Variants in SHISA3 observed in about 807,000 individuals in gnomAD.
SHISA3 encodes the protein protein shisa-3 homolog.
In SHISA3, 15 loss-of-function variants were observed where a neutral mutation model predicts 19.2. That is an observed-to-expected ratio of 0.78 (90% CI 0.52 to 1.20). The LOEUF (loss-of-function observed/expected upper bound fraction) is 1.20, where lower values mean the gene tolerates loss of function less well. SHISA3 is among the 50% of genes most tolerant of loss of function. The pLI, the probability that SHISA3 is intolerant of heterozygous loss-of-function variation, is 0.00. For synonymous variants in SHISA3, 145 were observed against 135.2 expected, an observed-to-expected ratio of 1.07 and a Z score of -0.50; for missense variants, 327 against 315.7, an observed-to-expected ratio of 1.04 and a Z score of -0.27.
At chr4:42,400,543 T>C (rs1463566701) in intron 1 of SHISA3, among the ~76,000 whole-genome samples, 1 of 152,158 alleles carries the variant, frequency 6.6e-6, no homozygotes, top group Non-Finnish European at 1.5e-5. Flanking sequence ...TCTCATTTAA[T>C]AGGCCTGGCT....
At position 42,397,679 on chromosome 4, in the gene SHISA3, C is replaced by A. The variant is rs1003237587; in HGVS notation, c.-378C>A. ...CTCTGTGCGGCGCTGGAGTTGGCAG[C>A]CCCGGGCGCTATGGCTCCCTTGAGG... On this transcript the variant is annotated 5_prime_UTR_variant, in exon 1 of 2. Coordinates refer to ENST00000319234, the MANE Select transcript of SHISA3 (RefSeq NM_001080505.3). Among the ~76,000 whole-genome samples, 1 of 151,942 alleles carries A rather than the reference C, an allele frequency of 6.6e-6. No homozygotes were observed. Among genetic ancestry groups the A allele is most frequent in the Admixed American group, 6.5e-5 (1 of 15,272 alleles).
intron 1 of SHISA3, 61 bp downstream of exon 1, chr4:42,398,394 G>A: frequency 5.4e-6 from 8 of 1,468,282 alleles, no homozygotes; most frequent in Non-Finnish European, 4.5e-6. Flanking sequence ...CTGCATGTGT[G>A]CGCGGGAGGA....
In SHISA3 at chr4:42,398,107, C is replaced by A; in HGVS notation, c.51C>A (p.Gly17=). ...LCLLLGWLRW[G]PAGAQQSGEY... ...TTCTCCTTGGCTGGCTGCGCTGGGG[C>A]CCGGCGGGCGCCCAGCAGTCCGGAG... Residue 17 remains glycine (G), a synonymous_variant, in exon 1 of 2, where the codon GGC becomes GGA. Coordinates refer to ENST00000319234, the MANE Select transcript of SHISA3 (RefSeq NM_001080505.3). 4 of 1,602,488 alleles carry A rather than the reference C, an allele frequency of 2.5e-6. No individual in the cohort carries two copies. Among genetic ancestry groups the A allele is most frequent in the Admixed American group, 1.7e-5 (1 of 58,726 alleles).
In SHISA3 at chr4:42,398,207, C is replaced by T; in HGVS notation, c.151C>T (p.Leu51=). Residue 51 remains leucine (L), a synonymous_variant, in exon 1 of 2, where the codon CTG becomes TTG. Transcript: ENST00000319234. ...CCAGTGCCCAGAGGACTTCGACACG[C>T]TGGACGCTACCATCTGCTGCGGCTC... ...GFQCPEDFDT[L]DATICCGSCA... 2 of 1,601,522 alleles carry T rather than the reference C, an allele frequency of 1.2e-6. No homozygotes were observed. Among genetic ancestry groups the T allele is most frequent in the Non-Finnish European group, 1.7e-6 (2 of 1,174,248 alleles).
At position 42,398,342 on chromosome 4, in the gene SHISA3, G is replaced by C. The variant is rs1265821864; in HGVS notation, c.277+9G>C. On this transcript the variant is annotated intron_variant, in intron 1 of 1. Coordinates refer to ENST00000319234, the MANE Select transcript of SHISA3 (RefSeq NM_001080505.3). ...CCCAGGCATCACTGCGCGTAAGTGC[G>C]GGGCCCTCGGGGACATATCCCCGCC... The C allele has an allele frequency of 5.2e-6, 8 of 1,531,592 alleles. No individual in the cohort carries two copies. The East Asian group carries it at 7.3e-5, about 14-fold the overall frequency. 94.9% of individuals were successfully genotyped at this position (1,531,592 alleles called of 1,614,324 possible).
chr4:42,398,485 G>A lies in SHISA3; in HGVS notation c.277+152G>A. 3 of 803,792 alleles carry A rather than the reference G, an allele frequency of 3.7e-6. No individual in the cohort carries two copies. In the South Asian group the frequency reaches 5.6e-5, roughly 15 times the overall value. 49.8% of individuals were successfully genotyped at this position (803,792 alleles called of 1,614,324 possible). ...CGGCCGGGTGGGGGAATCAAGGGAT[G>A]AGTGGGTGGTCGCGTTTCAGATCAT... On this transcript the variant is annotated intron_variant, in intron 1 of 1. Coordinates refer to ENST00000319234, the MANE Select transcript of SHISA3 (RefSeq NM_001080505.3).
In SHISA3 at chr4:42,401,499, G is replaced by C; in HGVS notation, c.*48G>C. On this transcript the variant is annotated 3_prime_UTR_variant, in exon 2 of 2. Transcript: ENST00000319234. Reference sequence around the variant, plus strand: ...AACTCAGTCAGATGGCAGACAGGTGGAGCCCTGCTCCCATTGCCACATGCA... The same window carrying C: ...AACTCAGTCAGATGGCAGACAGGTGCAGCCCTGCTCCCATTGCCACATGCA... 1 of 1,524,492 alleles carries C rather than the reference G, an allele frequency of 6.6e-7. No homozygotes were observed. Among genetic ancestry groups the C allele is most frequent in the Non-Finnish European group, 8.8e-7 (1 of 1,135,834 alleles). 94.4% of individuals were successfully genotyped at this position (1,524,492 alleles called of 1,614,324 possible).
intron 1 of SHISA3, among the ~76,000 whole-genome samples, chr4:42,399,120 A>G (rs1237880030): frequency 6.6e-6 from 1 of 152,222 alleles, no homozygotes; most frequent in Non-Finnish European, 1.5e-5. Context: ...CTGAATCGGA[A>G]CATCAGGGAA....
rs554420222 is a variant in SHISA3, at chr4:42,401,231, C to A, written c.497C>A (p.Thr166Lys). Residue 166 changes from threonine to lysine, a missense_variant, in exon 2 of 2, where the codon ACG becomes AAG. Thr to Lys is a moderately conservative substitution (Grantham distance 78). Coordinates refer to ENST00000319234, the MANE Select transcript of SHISA3 (RefSeq NM_001080505.3). ...CCCTCCCGGCAGTCCAGCACAGCCA[C>A]GAGCTCCAGCTCCACAGGCGGCTCC... ...RAPSRQSSTA[T>K]SSSSTGGSIR... is the part of the protein sequence containing the mutation. 6.2e-7 allele frequency: 1 copy of A among 1,614,208 alleles called. No individual in the cohort carries two copies. Among genetic ancestry groups the A allele is most frequent in the East Asian group, 2.2e-5 (1 of 44,886 alleles).
At position 42,401,472 on chromosome 4, in the gene SHISA3, A is replaced by T. The variant is rs368060826; in HGVS notation, c.*21A>T. 13 of 1,540,370 alleles carry T rather than the reference A, an allele frequency of 8.4e-6. No homozygotes were observed. In the African/African-American group the frequency reaches 1.7e-4, roughly 20 times the overall value. On this transcript the variant is annotated 3_prime_UTR_variant, in exon 2 of 2. Transcript: ENST00000319234. ...GTTGACACGCCCAGGCCATGAATCC[A>T]CAACTCAGTCAGATGGCAGACAGGT...
intron 1 of SHISA3, among the ~76,000 whole-genome samples, chr4:42,399,154 G>A (rs1711836060): frequency 6.6e-6 from 1 of 152,148 alleles, no homozygotes; most frequent in Non-Finnish European, 1.5e-5. Flanking sequence ...TGAGGCGAGG[G>A]TTTTATGGCC....
chr4:42,401,612 T>C lies in SHISA3; in HGVS notation c.*161T>C. 1.4e-6 allele frequency: 1 copy of C among 725,052 alleles called. No individual in the cohort carries two copies. The highest frequency in any genetic ancestry group is 1.8e-5 in the African/African-American group (1 of 56,480). 44.9% of individuals were successfully genotyped at this position (725,052 alleles called of 1,614,324 possible). On this transcript the variant is annotated 3_prime_UTR_variant, in exon 2 of 2. Transcript: ENST00000319234. Reference sequence around the variant, plus strand: ...GCACCTTCTAATTTGAAAGTTCCTGTCTCCAATCACAGAAAGGCTAAACCA... The same window carrying C: ...GCACCTTCTAATTTGAAAGTTCCTGCCTCCAATCACAGAAAGGCTAAACCA...
chr4:42,400,640 A>G (rs902357593), intron 1 of SHISA3, among the ~76,000 whole-genome samples: 27 of 152,304 alleles, frequency 1.8e-4, no homozygotes, highest in African/African-American at 6.3e-4. Context: ...CACCGTGATC[A>G]AACTACTAAA....
chr4:42,398,450 C>T, intron 1 of SHISA3, 117 bp downstream of exon 1: 1 of 1,143,400 alleles, frequency 8.7e-7, no homozygotes, highest in South Asian at 1.7e-5. Flanking sequence ...GTCTGTGCGC[C>T]AGGGGGACGC....
chr4:42,398,056 G>T lies in SHISA3; in HGVS notation c.-1G>T. 6.3e-7 allele frequency: 1 copy of T among 1,580,214 alleles called. No homozygotes were observed. Among genetic ancestry groups the T allele is most frequent in the African/African-American group, 1.4e-5 (1 of 73,944 alleles). ...CCGGCCGCCCAGGGAGCCCAGTGGC[G>T]ATGAGGGCACTGCTGGCGCTTTGCC... On this transcript the variant is annotated 5_prime_UTR_variant, in exon 1 of 2. Coordinates refer to ENST00000319234, the MANE Select transcript of SHISA3 (RefSeq NM_001080505.3).
At chr4:42,400,709 C>G (rs954441087) in intron 1 of SHISA3, among the ~76,000 whole-genome samples, 1 of 152,100 alleles carries the variant, frequency 6.6e-6, no homozygotes, top group African/African-American at 2.4e-5. Context: ...CCCTCTAGTG[C>G]CTGAACAGGA....
Position 42,398,265 on chromosome 4 carries a change from A to T in SHISA3, c.209A>T (p.Asp70Val). Residue 70 changes from aspartate (D) to valine (V), a missense_variant, in exon 1 of 2, where the codon GAC (aspartate) becomes GTC (valine). By Grantham distance (152) the Asp-to-Val change is radical (BLOSUM62 -3). Coordinates refer to ENST00000319234, the MANE Select transcript of SHISA3 (RefSeq NM_001080505.3). ...CALRYCCAAA[D>V]ARLEQGGCTN... ...CTCCGCTACTGTTGCGCCGCGGCCG[A>T]CGCCAGGCTGGAGCAGGGCGGCTGC... 1.3e-6 allele frequency: 2 copies of T among 1,568,924 alleles called. No individual in the cohort carries two copies. The highest frequency in any genetic ancestry group is 1.7e-6 in the Non-Finnish European group (2 of 1,157,484).
At chr4:42,399,799 T>C (rs535014654) in intron 1 of SHISA3, among the ~76,000 whole-genome samples, 122 of 152,184 alleles carry the variant, frequency 8.0e-4, no homozygotes, top group Middle Eastern at 3.4e-3. Context: ...GACGTGAGAG[T>C]GTATGAATGC....
Position 42,398,158 on chromosome 4 carries a change from G to T in SHISA3, c.102G>T (p.Val34=), listed in dbSNP as rs771746182. The stretch of plus-strand genomic sequence containing the variant: ...AGTACTGCCACGGCTGGGTGGACGT[G>T]CAGGGCAACTACCACGAGGGCTTCC... ...SGEYCHGWVD[V]QGNYHEGFQC... Residue 34 remains valine, a synonymous_variant, in exon 1 of 2, where the codon GTG becomes GTT. Coordinates refer to ENST00000319234, the MANE Select transcript of SHISA3 (RefSeq NM_001080505.3). 1.9e-6 allele frequency: 3 copies of T among 1,606,568 alleles called. No homozygotes were observed. The highest frequency in any genetic ancestry group is 3.4e-5 in the Admixed American group (2 of 59,310).
Sources: allele counts gnomAD v4.1 joint callset (sites outside exome capture counted in the v4.1 genomes callset), GRCh38; gene constraint gnomAD v4.1.1; transcripts MANE v1.5; gene names NCBI Gene and HGNC (gene_info 2026-07-23, HGNC 2026-07-21).